RGPD2: variants seen among roughly 807,000 people sequenced by gnomAD.
The protein encoded by RGPD2 is RANBP2 like and GRIP domain containing 2, also known as RANBP2-like and GRIP domain-containing protein 2.
In RGPD2, 2 loss-of-function variants were observed where a neutral mutation model predicts 36.0. That is an observed-to-expected ratio of 0.06 (90% CI 0.02 to 0.17). The LOEUF (loss-of-function observed/expected upper bound fraction) is 0.17. RGPD2 is among the 10% of genes least tolerant of loss of function. The pLI is 1.00. For synonymous variants in RGPD2, 19 were observed against 163.8 expected, an observed-to-expected ratio of 0.12 and a Z score of 6.75; for missense variants, 40 against 464.3, an observed-to-expected ratio of 0.09 and a Z score of 8.40.
the RGPD2 span, among the ~76,000 whole-genome samples, chr2:87,974,104 A>T: frequency 6.7e-6 from 1 of 148,946 alleles, no homozygotes; most frequent in Non-Finnish European, 1.5e-5. Flanking sequence ...TGGTGAATTC[A>T]AGGTCACCCA....
chr2:87,866,977 A>AT, the RGPD2 span, among the ~76,000 whole-genome samples: 6 of 151,928 alleles, frequency 3.9e-5, no homozygotes, highest in South Asian at 2.1e-4. Flanking sequence ...ACCTAAATCG[A>AT]TTTTTTTTCT....
At chr2:87,864,258 A>G in the RGPD2 span, among the ~76,000 whole-genome samples, 1 of 152,264 alleles carries the variant, frequency 6.6e-6, no homozygotes, top group African/African-American at 2.4e-5. Context: ...AGGCAGAGAA[A>G]GGGTGAATTC....
chr2:87,972,812 T>C, the RGPD2 span: 1 of 1,611,814 alleles, frequency 6.2e-7, no homozygotes, highest in Non-Finnish European at 8.5e-7. Flanking sequence ...CTGCACCTAC[T>C]ACTATGAGCT....
chr2:87,929,692 C>A, the RGPD2 span, among the ~76,000 whole-genome samples: 1 of 142,584 alleles, frequency 7.0e-6, no homozygotes, highest in Non-Finnish European at 1.5e-5. Context: ...TTCCTCCTAT[C>A]TATGAGCATG....
At chr2:87,922,317 C>CAAAAAAAAAAAA in the RGPD2 span, among the ~76,000 whole-genome samples, 2 of 142,424 alleles carry the variant, frequency 1.4e-5, no homozygotes, top group African/African-American at 5.2e-5. Flanking sequence ...AAAAAAAAAC[C>CAAAAAAAAAAAA]AAAAAAGTAA....
At chr2:87,983,219 C>T in the RGPD2 span, among the ~76,000 whole-genome samples, 1 of 152,164 alleles carries the variant, frequency 6.6e-6, no homozygotes, top group Non-Finnish European at 1.5e-5. Context: ...ACTCGGGAGG[C>T]TGAGGCACAA....
the RGPD2 span, among the ~76,000 whole-genome samples, chr2:87,951,473 G>A: frequency 1.3e-5 from 2 of 152,172 alleles, no homozygotes; most frequent in South Asian, 2.1e-4. Context: ...ATGGAACAAA[G>A]ACTCACCTCA....
chr2:87,844,306 G>T, the RGPD2 span, among the ~76,000 whole-genome samples: 2 of 146,650 alleles, frequency 1.4e-5, no homozygotes, highest in Non-Finnish European at 3.0e-5. Context: ...CTGATACACG[G>T]TTTCAGAATA....
At chr2:87,961,329 G>C in the RGPD2 span, among the ~76,000 whole-genome samples, 1 of 152,154 alleles carries the variant, frequency 6.6e-6, no homozygotes, top group Non-Finnish European at 1.5e-5. Context: ...TGTGTACTGC[G>C]TCAGCACTGT....
At chr2:87,822,617 G>A (rs1310570817) in intron 1 of RGPD2, among the ~76,000 whole-genome samples, 1 of 26,226 alleles carries the variant, frequency 3.8e-5, no homozygotes, top group Admixed American at 4.5e-4. Flanking sequence ...AAAATTAGCC[G>A]GGCATGGTGG....
At chr2:87,922,144 T>G in the RGPD2 span, among the ~76,000 whole-genome samples, 1 of 151,398 alleles carries the variant, frequency 6.6e-6, no homozygotes, top group African/African-American at 2.4e-5. Flanking sequence ...ATGCAAAAAA[T>G]TAGCTGGGCG....
At chr2:87,935,570 A>C in the RGPD2 span, among the ~76,000 whole-genome samples, 1 of 149,916 alleles carries the variant, frequency 6.7e-6, no homozygotes, top group Non-Finnish European at 1.5e-5. Flanking sequence ...ATTTTAACCC[A>C]TGAAGTAATA....
the RGPD2 span, among the ~76,000 whole-genome samples, chr2:87,847,381 T>C: frequency 1.3e-5 from 2 of 152,194 alleles, no homozygotes; most frequent in South Asian, 2.1e-4. Flanking sequence ...ATTTTTTCTA[T>C]TGTAGGAGAG....
At chr2:87,825,073 A>G in intron 1 of RGPD2, 1 of 383,770 alleles carries the variant, frequency 2.6e-6, no homozygotes, top group Non-Finnish European at 4.6e-6. Context: ...CCATAAAAAT[A>G]AAAAACTATA....
chr2:87,843,201 AT>A, the RGPD2 span, among the ~76,000 whole-genome samples: 1 of 120,178 alleles, frequency 8.3e-6, no homozygotes, highest in Non-Finnish European at 1.7e-5. Context: ...AAAAGCCAAA[AT>A]TGACAAATGG....
the RGPD2 span, among the ~76,000 whole-genome samples, chr2:87,873,680 C>G: frequency 6.6e-6 from 1 of 151,956 alleles, no homozygotes; most frequent in Non-Finnish European, 1.5e-5. Flanking sequence ...TGGGAGGCCT[C>G]ACAATCAGGG....
intron 6 of RGPD2, among the ~76,000 whole-genome samples, chr2:87,807,380 GTTTTT>G (rs992462711): frequency 2.4e-5 from 2 of 81,952 alleles, no homozygotes; most frequent in South Asian, 4.0e-4. Context: ...GCGTTAAATT[GTTTTT>G]TTTTTTTTTT....
At chr2:87,781,830 C>CA (rs1246151358) in intron 20 of RGPD2, among the ~76,000 whole-genome samples, 1 of 126,360 alleles carries the variant, frequency 7.9e-6, no homozygotes, top group Non-Finnish European at 1.7e-5. Context: ...AAAAAAGACT[C>CA]ACGTTAATGC....
At chr2:87,988,584 A>T in the RGPD2 span, among the ~76,000 whole-genome samples, 1 of 131,740 alleles carries the variant, frequency 7.6e-6, no homozygotes. Flanking sequence ...TCTATCACCT[A>T]GGCTGGAGTG....
Sources: gnomAD v4.1 joint callset for allele counts (sites outside exome capture counted in the v4.1 genomes callset) on GRCh38, gnomAD v4.1.1 for gene constraint, MANE v1.5 for transcripts, NCBI Gene and HGNC (gene_info 2026-07-23, HGNC 2026-07-21) for gene names.